Variants in SCNN1G observed in about 807,000 individuals in gnomAD.
SCNN1G encodes the protein sodium channel epithelial 1 subunit gamma.
SCNN1G carries 27 observed loss-of-function variants against 64.6 expected under a neutral mutation model. The ratio of observed to expected loss-of-function variants is 0.42; its 90% CI spans 0.31 to 0.58. The LOEUF is 0.58. Among genes scored for constraint, SCNN1G ranks in the 20% least tolerant of loss-of-function variants. The pLI is 0.18. For synonymous variants in SCNN1G, 330 were observed against 314.2 expected (o/e 1.05, Z -0.53); for missense variants, 743 against 823.4 (o/e 0.90, Z 1.19).
chr16:23,195,370 CA>C (rs1219321427), intron 5 of SCNN1G, among the ~76,000 whole-genome samples: 1 of 152,202 alleles, frequency 6.6e-6, no homozygotes, highest in African/African-American at 2.4e-5. Flanking sequence ...ACTATGATTA[CA>C]TTTCTAGGGA....
chr16:23,207,445 G>C (rs1960008317), intron 6 of SCNN1G, among the ~76,000 whole-genome samples: 1 of 152,254 alleles, frequency 6.6e-6, no homozygotes, highest in Admixed American at 6.5e-5. Flanking sequence ...GAAGGCCACT[G>C]CTTGGCATCT....
At chr16:23,213,662 C>G (rs1326258176) in intron 11 of SCNN1G, among the ~76,000 whole-genome samples, 2 of 152,220 alleles carry the variant, frequency 1.3e-5, no homozygotes, top group Non-Finnish European at 2.9e-5. Context: ...CCATCACTAT[C>G]TCCCTCATGC....
chr16:23,202,434 G>A (rs991735161), intron 6 of SCNN1G, among the ~76,000 whole-genome samples: 2 of 152,020 alleles, frequency 1.3e-5, no homozygotes, highest in Non-Finnish European at 2.9e-5. Flanking sequence ...TACTGGAGAA[G>A]GCTTTCTAAA....
chr16:23,187,718 C>T (rs1815566283), intron 2 of SCNN1G, among the ~76,000 whole-genome samples: 1 of 152,102 alleles, frequency 6.6e-6, no homozygotes, highest in Admixed American at 6.6e-5. Context: ...CTCATCGGGC[C>T]CTGGGTGTGA....
chr16:23,209,912 A>C, intron 7 of SCNN1G, 64 bp downstream of exon 7: 1 of 1,205,684 alleles, frequency 8.3e-7, no homozygotes. Context: ...ACAAAGTTAT[A>C]TCTAAGCTGG....
Position 23,192,543 on chromosome 16 carries a change from G to A in SCNN1G, c.809+1G>A. 1.2e-6 allele frequency: 2 copies of A among 1,610,800 alleles called. No homozygotes were observed. The highest frequency in any genetic ancestry group is 1.7e-6 in the Non-Finnish European group (2 of 1,179,064). ...TTGATGGAGTGTCCTGTGATGCCAGGTCAGGAGAGAATGCTGCTCTCTCAG... is the reference window on the plus strand; with the variant it reads ...TTGATGGAGTGTCCTGTGATGCCAGATCAGGAGAGAATGCTGCTCTCTCAG... On this transcript the variant is annotated splice_donor_variant, in intron 4 of 12. Coordinates refer to ENST00000300061, the MANE Select transcript of SCNN1G (RefSeq NM_001039.4). LOFTEE classifies it high-confidence loss of function.
intron 6 of SCNN1G, 96 bp from the exon 7 acceptor site, chr16:23,209,654 G>C: frequency 1.1e-6 from 1 of 874,038 alleles, no homozygotes; most frequent in Non-Finnish European, 2.0e-6. Flanking sequence ...AGCTCCCAAG[G>C]GCTGCTTGCA....
intron 12 of SCNN1G, 138 bp downstream of exon 12, chr16:23,214,925 T>C: frequency 9.1e-7 from 1 of 1,096,328 alleles, no homozygotes; most frequent in Non-Finnish European, 1.4e-6. Context: ...AGGTCTCAGG[T>C]CGGAATGCAC....
intron 3 of SCNN1G, among the ~76,000 whole-genome samples, chr16:23,190,831 ATTTTTTTTTT>A (rs896029487): frequency 2.3e-4 from 13 of 56,230 alleles, no homozygotes; most frequent in South Asian, 1.1e-3. Flanking sequence ...ATTTGAGGGG[ATTTTTTTTTT>A]TTTTTTTTTT....
At chr16:23,200,389 T>A (rs1339877107) in intron 6 of SCNN1G, among the ~76,000 whole-genome samples, 3 of 152,168 alleles carry the variant, frequency 2.0e-5, no homozygotes, top group Non-Finnish European at 4.4e-5. Flanking sequence ...AGCCTTGGCT[T>A]TAGAGCAATG....
chr16:23,213,272 T>A, intron 11 of SCNN1G, 109 bp downstream of exon 11: 1 of 750,834 alleles, frequency 1.3e-6, no homozygotes, highest in Non-Finnish European at 2.3e-6. Flanking sequence ...TTTTTTTTTT[T>A]TATGGAGTCT....
chr16:23,192,336 C>T lies in SCNN1G; in HGVS notation c.619-16C>T, dbSNP rs372454559. ...AGGACCGATGGCTTCAGCCTCGCATCTCCTCTTATTCACAGTGCTCAAATG... is the reference window on the plus strand; with the variant it reads ...AGGACCGATGGCTTCAGCCTCGCATTTCCTCTTATTCACAGTGCTCAAATG... On this transcript the variant is annotated splice_polypyrimidine_tract_variant and intron_variant, in intron 3 of 12. Transcript: ENST00000300061. 7 of 1,610,524 alleles carry T rather than the reference C, an allele frequency of 4.3e-6. No homozygotes were observed. The African/African-American group carries it at 8.0e-5, about 18-fold the overall frequency.
Position 23,189,592 on chromosome 16 carries a change from G to T in SCNN1G, c.539G>T (p.Arg180Leu). 1 of 1,614,238 alleles carries T rather than the reference G, an allele frequency of 6.2e-7. No homozygotes were observed. Among genetic ancestry groups the T allele is most frequent in the Non-Finnish European group, 8.5e-7 (1 of 1,180,036 alleles). Residue 180 changes from arginine (R) to leucine (L), a missense_variant, in exon 3 of 13, where the codon CGG becomes CTG. Transcript: ENST00000300061. ...KARDFFTGRK[R>L]KVGGSIIHKA... is the part of the protein sequence containing the mutation. The stretch of plus-strand genomic sequence containing the variant: ...AGGGACTTCTTCACAGGGAGGAAGC[G>T]GAAAGTCGGCGGTAGCATCATTCAC...
chr16:23,201,539 A>G lies in SCNN1G; in HGVS notation c.1077+4112A>G, dbSNP rs72647510. The stretch of plus-strand genomic sequence containing the variant: ...CATTTAGAACAACAACAAAAAAAAA[A>G]ACAGGGTTTATGAAGAGGTCAGCAG... On this transcript the variant is annotated intron_variant, in intron 6 of 12. Coordinates refer to ENST00000300061, the MANE Select transcript of SCNN1G (RefSeq NM_001039.4). Among the ~76,000 whole-genome samples the G allele has an allele frequency of 3.1e-3, 474 of 152,186 alleles. 1 individual carries two copies. The highest frequency in any genetic ancestry group is 0.011 in the African/African-American group (445 of 41,520).
Position 23,197,319 on chromosome 16 carries a change from C to T in SCNN1G, c.969C>T (p.Ser323=), listed in dbSNP as rs865992714. ...NEEEYNPFLV[S]STGAKVIIHR... ...AGGAATACAACCCATTCCTCGTGTC[C>T]TCCACTGGAGCTAAGGTGATCATCC... The change falls in exon 6 of 13, where the codon TCC becomes TCT. Residue 323 remains serine, a synonymous_variant. Coordinates refer to ENST00000300061, the MANE Select transcript of SCNN1G (RefSeq NM_001039.4). 6.2e-7 allele frequency: 1 copy of T among 1,613,742 alleles called. No individual in the cohort carries two copies. The highest frequency in any genetic ancestry group is 8.5e-7 in the Non-Finnish European group (1 of 1,179,712).
At chr16:23,214,641 G>T in intron 11 of SCNN1G, 71 bp from the exon 12 acceptor site, 1 of 1,228,524 alleles carries the variant, frequency 8.1e-7, no homozygotes, top group Non-Finnish European at 1.2e-6. Context: ...GTAGGAGGGA[G>T]ACAGCCATGC....
At chr16:23,191,191 C>A (rs1216224501) in intron 3 of SCNN1G, among the ~76,000 whole-genome samples, 1 of 152,042 alleles carries the variant, frequency 6.6e-6, no homozygotes, top group Non-Finnish European at 1.5e-5. Flanking sequence ...AATTCTAGTA[C>A]CTTCCTGGGC....
At chr16:23,190,912 C>T (rs540220490) in intron 3 of SCNN1G, among the ~76,000 whole-genome samples, 12 of 126,624 alleles carry the variant, frequency 9.5e-5, no homozygotes, top group South Asian at 2.8e-4. Context: ...GGTGTGATCT[C>T]GGCTCACTGC....
intron 6 of SCNN1G, among the ~76,000 whole-genome samples, chr16:23,206,603 A>T (rs1959995069): frequency 6.6e-6 from 1 of 152,150 alleles, no homozygotes; most frequent in Admixed American, 6.5e-5. Flanking sequence ...TGACAGATCG[A>T]GACCCTGTCT....
Sources: allele counts gnomAD v4.1 joint callset (sites outside exome capture counted in the v4.1 genomes callset), GRCh38; gene constraint gnomAD v4.1.1; transcripts MANE v1.5; gene names NCBI Gene and HGNC (gene_info 2026-07-23, HGNC 2026-07-21).